The following EPHA5 variants were observed in gnomAD, a reference collection of about 807,000 sequenced individuals.
EPHA5 encodes EPH receptor A5.
In EPHA5, 60 loss-of-function variants were observed where a neutral mutation model predicts 105.0. The ratio of observed to expected loss-of-function variants is 0.57; its 90% CI spans 0.46 to 0.71. The LOEUF is 0.71. Among genes scored for constraint, EPHA5 ranks in the 30% least tolerant of loss-of-function variants. The probability of loss-of-function intolerance (pLI) is 0.00; values close to 1 mark genes in which losing one functional copy is unlikely to be tolerated. For missense variants in EPHA5, 1,218 were observed against 1,274.7 expected (o/e 0.96, Z 0.68); for synonymous variants, 513 against 449.1 (o/e 1.14, Z -1.80).
At chr4:65,438,458 G>T (rs888994819) in intron 5 of EPHA5, among the ~76,000 whole-genome samples, 1 of 151,702 alleles carries the variant, frequency 6.6e-6, no homozygotes, top group African/African-American at 2.4e-5. Context: ...ATACATTCAT[G>T]TATAAATTTT....
chr4:65,668,073 T>A (rs1560844020), intron 1 of EPHA5, among the ~76,000 whole-genome samples: 1 of 152,216 alleles, frequency 6.6e-6, no homozygotes, highest in Non-Finnish European at 1.5e-5. Context: ...GATAGCTATA[T>A]ATATGTATAT....
At chr4:65,435,339 A>T (rs1435267698) in intron 5 of EPHA5, among the ~76,000 whole-genome samples, 1 of 152,138 alleles carries the variant, frequency 6.6e-6, no homozygotes, top group Non-Finnish European at 1.5e-5. Flanking sequence ...GCTAAGAATA[A>T]TATTTACAGA....
At chr4:65,500,823 G>A (rs1732412687) in intron 3 of EPHA5, among the ~76,000 whole-genome samples, 1 of 147,978 alleles carries the variant, frequency 6.8e-6, no homozygotes, top group African/African-American at 2.5e-5. Flanking sequence ...ATATGTGTGC[G>A]TATATATATA....
Position 65,335,935 on chromosome 4 carries a change from C to T in EPHA5, c.2786G>A (p.Cys929Tyr), listed in dbSNP as rs769528049. 1.2e-6 allele frequency: 2 copies of T among 1,607,516 alleles called. No homozygotes were observed. The highest frequency in any genetic ancestry group is 1.7e-6 in the Non-Finnish European group (2 of 1,176,514). Residue 929 changes from cysteine (C) to tyrosine (Y), a missense_variant, in exon 15 of 17, where the codon TGC (cysteine) becomes TAC (tyrosine). Cys to Tyr is a radical substitution (Grantham distance 194). Coordinates refer to ENST00000613740, the MANE Select transcript of EPHA5 (RefSeq NM_001281766.3). ...SSLKTLVNASCRVSNLLAEHS... is the reference protein window; with the variant it reads ...SSLKTLVNASYRVSNLLAEHS... ...TCACTCGGATCTGGCCTTGTACCTG[C>T]AGGATGCATTAACCAGCGTCTTCAG...
At chr4:65,418,856 TA>T (rs1723644178) in intron 6 of EPHA5, among the ~76,000 whole-genome samples, 1 of 132,550 alleles carries the variant, frequency 7.5e-6, no homozygotes, top group Non-Finnish European at 1.6e-5. Flanking sequence ...TACACTTACC[TA>T]AACTCTTTTT....
In EPHA5 at chr4:65,512,204, G is replaced by A. The variant is rs142841150; in HGVS notation, c.911-16661C>T. Among the ~76,000 whole-genome samples the A allele has an allele frequency of 1.3e-4, 20 of 152,132 alleles. 1 individual carries two copies. The East Asian group carries it at 3.9e-3, about 29-fold the overall frequency. On this transcript the variant is annotated intron_variant, in intron 3 of 16. Coordinates refer to ENST00000613740, the MANE Select transcript of EPHA5 (RefSeq NM_001281766.3). ...CTTACAGGTGAAGTGTGGACAGGTT[G>A]GGTAAAAATGCACCAAATTCATCAT...
chr4:65,370,878 C>T (rs1232172396), intron 8 of EPHA5, among the ~76,000 whole-genome samples: 4 of 152,028 alleles, frequency 2.6e-5, no homozygotes, highest in Non-Finnish European at 4.4e-5. Flanking sequence ...AAACAAGCCT[C>T]AACAAGAAAC....
At chr4:65,560,569 T>C (rs151317977) in intron 3 of EPHA5, among the ~76,000 whole-genome samples, 2 of 152,076 alleles carry the variant, frequency 1.3e-5, no homozygotes, top group Non-Finnish European at 2.9e-5. Context: ...TATATTTCAT[T>C]TGCCCATCCC....
intron 5 of EPHA5, among the ~76,000 whole-genome samples, chr4:65,423,560 T>C (rs1048362005): frequency 6.6e-6 from 1 of 152,158 alleles, no homozygotes; most frequent in African/African-American, 2.4e-5. Context: ...CCTTGGTTTA[T>C]AGTCGAATAC....
intron 3 of EPHA5, among the ~76,000 whole-genome samples, chr4:65,504,825 TTATCA>T (rs1368217958): frequency 6.6e-6 from 1 of 152,042 alleles, no homozygotes; most frequent in East Asian, 1.9e-4. Flanking sequence ...ATATAAATAC[TTATCA>T]TAAATAATAT....
intron 3 of EPHA5, among the ~76,000 whole-genome samples, chr4:65,593,586 A>T (rs1433892757): frequency 6.6e-6 from 1 of 152,004 alleles, no homozygotes; most frequent in Non-Finnish European, 1.5e-5. Flanking sequence ...GGTGATGCCA[A>T]TGCTGCCGGT....
intron 2 of EPHA5, among the ~76,000 whole-genome samples, chr4:65,615,513 A>G (rs181722991): frequency 1.7e-3 from 256 of 152,054 alleles, no homozygotes; most frequent in Admixed American, 4.1e-3. Context: ...TAGAAAAACA[A>G]TACTATCAAC....
At position 65,428,304 on chromosome 4, in the gene EPHA5, A is replaced by T. The variant is rs886151690; in HGVS notation, c.1403-7739T>A. Among the ~76,000 whole-genome samples the T allele has an allele frequency of 4.6e-5, 7 of 152,260 alleles. No homozygotes were observed. The East Asian group carries it at 1.4e-3, about 29-fold the overall frequency. On this transcript the variant is annotated intron_variant, in intron 5 of 16. Coordinates refer to ENST00000613740, the MANE Select transcript of EPHA5 (RefSeq NM_001281766.3). Reference sequence around the variant, plus strand: ...TACCCTTTATATTTTTATAATACATAACATAAATTTTATATACTTACATAC... The same window carrying T: ...TACCCTTTATATTTTTATAATACATTACATAAATTTTATATACTTACATAC...
intron 1 of EPHA5, among the ~76,000 whole-genome samples, chr4:65,647,913 T>C (rs1010643098): frequency 6.6e-6 from 1 of 152,104 alleles, no homozygotes; most frequent in Non-Finnish European, 1.5e-5. Context: ...AAAATACTAA[T>C]ACAGGAACTT....
chr4:65,522,909 A>C (rs1734893259), intron 3 of EPHA5, among the ~76,000 whole-genome samples: 1 of 151,944 alleles, frequency 6.6e-6, no homozygotes, highest in Non-Finnish European at 1.5e-5. Flanking sequence ...TCACTCACTC[A>C]CTGTAAGTGA....
At chr4:65,573,911 G>C in intron 3 of EPHA5, 2 of 1,609,416 alleles carry the variant, frequency 1.2e-6, no homozygotes, top group East Asian at 2.2e-5. Flanking sequence ...GGACCATTCT[G>C]ATCATCCTCA....
At chr4:65,493,697 A>C (rs950411828) in intron 4 of EPHA5, among the ~76,000 whole-genome samples, 1 of 152,132 alleles carries the variant, frequency 6.6e-6, no homozygotes, top group Non-Finnish European at 1.5e-5. Flanking sequence ...AGAAATGTGA[A>C]GCCTGACTGT....
chr4:65,368,269 A>G (rs910166002), intron 8 of EPHA5, among the ~76,000 whole-genome samples: 13 of 151,984 alleles, frequency 8.6e-5, no homozygotes, highest in African/African-American at 3.1e-4. Context: ...TAATACTTCT[A>G]TCTCACTGGT....
intron 14 of EPHA5, among the ~76,000 whole-genome samples, chr4:65,340,596 G>C (rs1721618038): frequency 6.6e-6 from 1 of 152,076 alleles, no homozygotes; most frequent in South Asian, 2.1e-4. Context: ...GTGGAGGAGG[G>C]GGAGGATAAG....
Sources: gnomAD v4.1 joint callset for allele counts (sites outside exome capture counted in the v4.1 genomes callset) on GRCh38, gnomAD v4.1.1 for gene constraint, MANE v1.5 for transcripts, NCBI Gene and HGNC (gene_info 2026-07-23, HGNC 2026-07-21) for gene names.